SYT10: variants seen among roughly 807,000 people sequenced by gnomAD.
SYT10 encodes synaptotagmin-10.
A neutral mutation model predicts 51.1 loss-of-function variants in SYT10; 31 were observed. The ratio of observed to expected loss-of-function variants is 0.61; its 90% CI spans 0.46 to 0.82. The LOEUF (loss-of-function observed/expected upper bound fraction) is 0.82. Ranked by LOEUF, SYT10 falls within the 40% of genes least tolerant of loss-of-function variation. SYT10 has a pLI of 0.00. For synonymous variants in SYT10, 233 were observed against 225.9 expected, an observed-to-expected ratio of 1.03 and a Z score of -0.28; for missense variants, 603 against 634.0, an observed-to-expected ratio of 0.95 and a Z score of 0.53.
intron 4 of SYT10, among the ~76,000 whole-genome samples, chr12:33,383,257 T>C (rs1866131045): frequency 6.6e-6 from 1 of 152,150 alleles, no homozygotes; most frequent in Non-Finnish European, 1.5e-5. Context: ...TTGGGTTGAG[T>C]ACACTAGATA....
intron 3 of SYT10, among the ~76,000 whole-genome samples, chr12:33,406,218 A>T (rs1866351725): frequency 6.6e-6 from 1 of 152,118 alleles, no homozygotes; most frequent in South Asian, 2.1e-4. Context: ...AATGAAAAAG[A>T]AAAGTTTTAA....
intron 1 of SYT10, among the ~76,000 whole-genome samples, chr12:33,438,082 G>T (rs543400626): frequency 6.6e-6 from 1 of 152,258 alleles, no homozygotes; most frequent in South Asian, 2.1e-4. Flanking sequence ...ACGATGGAAT[G>T]TAAAAGCTAA....
intron 5 of SYT10, 89 bp from the exon 6 acceptor site, chr12:33,380,050 T>G: frequency 7.1e-7 from 1 of 1,400,950 alleles, no homozygotes; most frequent in East Asian, 2.4e-5. Flanking sequence ...AAAAATATGA[T>G]TAAAACATTA....
chr12:33,382,632 A>T, intron 4 of SYT10, 112 bp from the exon 5 acceptor site: 1 of 910,172 alleles, frequency 1.1e-6, no homozygotes, highest in Non-Finnish European at 1.5e-6. Context: ...CTATATTAAG[A>T]CCTTTAGTAT....
intron 3 of SYT10, among the ~76,000 whole-genome samples, chr12:33,403,382 C>T (rs141383407): frequency 2.0e-3 from 301 of 152,014 alleles, no homozygotes; most frequent in Non-Finnish European, 3.2e-3. Context: ...CAGCTGCTTG[C>T]CACCATGCCC....
intron 3 of SYT10, among the ~76,000 whole-genome samples, chr12:33,389,405 A>T (rs1383625594): frequency 4.6e-5 from 7 of 152,204 alleles, no homozygotes; most frequent in African/African-American, 1.7e-4. Context: ...AGTAACTCAA[A>T]AGGTAGATAT....
At chr12:33,426,640 A>G in intron 1 of SYT10, 145 bp from the exon 2 acceptor site, 1 of 803,492 alleles carries the variant, frequency 1.2e-6, no homozygotes, top group East Asian at 2.8e-5. Flanking sequence ...GTAGGAAGAA[A>G]AGGTTAATAA....
chr12:33,426,241 T>C lies in SYT10; in HGVS notation c.406A>G (p.Thr136Ala). The part of the protein sequence containing the change: ...AIEPAIKISH[T>A]SPDIPAEVQT... ...ACTTCTGCTGGGATGTCAGGGGAAG[T>C]GTGGCTGATTTTTATTGCAGGCTCA... is the stretch of plus-strand genomic sequence containing the variant. The change falls in exon 2 of 7, where the codon ACT (threonine) becomes GCT (alanine). Residue 136 changes from threonine (T) to alanine (A), a missense_variant. Physicochemically the swap from Thr to Ala is moderately conservative, Grantham distance 58 (BLOSUM62 0). Coordinates refer to ENST00000228567, the MANE Select transcript of SYT10 (RefSeq NM_198992.4). 6.2e-7 allele frequency: 1 copy of C among 1,614,148 alleles called. No homozygotes were observed. The highest frequency in any genetic ancestry group is 8.5e-7 in the Non-Finnish European group (1 of 1,180,030).
intron 1 of SYT10, chr12:33,432,799 T>C (rs572701735): frequency 6.6e-6 from 1 of 152,190 alleles, no homozygotes; most frequent in East Asian, 1.9e-4. Flanking sequence ...AATTAGACAG[T>C]AGATCATAAC....
chr12:33,387,747 GT>G (rs34524429), intron 3 of SYT10, among the ~76,000 whole-genome samples: 119 of 122,650 alleles, frequency 9.7e-4, no homozygotes, highest in Non-Finnish European at 1.1e-3. Flanking sequence ...CTTCTAACAT[GT>G]TTTTTTTTTT....
At chr12:33,439,282 G>A in intron 1 of SYT10, 90 bp downstream of exon 1, 2 of 1,474,338 alleles carry the variant, frequency 1.4e-6, no homozygotes, top group Non-Finnish European at 1.8e-6. Flanking sequence ...CCGCGGGAGC[G>A]GCGCGGGAGG....
At chr12:33,422,579 T>C (rs796651180) in intron 2 of SYT10, among the ~76,000 whole-genome samples, 8 of 152,178 alleles carry the variant, frequency 5.3e-5, no homozygotes, top group Admixed American at 2.0e-4. Flanking sequence ...GATTTTATCT[T>C]CCATTATTCC....
At chr12:33,399,402 G>A (rs955784562) in intron 3 of SYT10, among the ~76,000 whole-genome samples, 64 of 152,154 alleles carry the variant, frequency 4.2e-4, no homozygotes, top group African/African-American at 1.5e-3. Context: ...AAAACAGAAG[G>A]CTGTAATCAA....
intron 3 of SYT10, among the ~76,000 whole-genome samples, chr12:33,395,689 T>C (rs1866249946): frequency 1.3e-5 from 2 of 152,230 alleles, no homozygotes; most frequent in Non-Finnish European, 2.9e-5. Flanking sequence ...TAGTTCTCTA[T>C]GCATATCAGT....
rs1162424340 is a variant in SYT10 at position 33,375,139 on chromosome 12, G to GA, written c.*1690dup. The GA allele has an allele frequency of 6.6e-6, 1 of 151,954 alleles. No homozygotes were observed. Among genetic ancestry groups the GA allele is most frequent in the Non-Finnish European group, 1.5e-5 (1 of 67,912 alleles). The allele number at this position is 151,954 out of a possible 1,614,324, so 9.4% of individuals were successfully genotyped here. A position where few individuals can be genotyped will look rare whatever the true frequency, so the allele number is the denominator to read the frequency against. On this transcript the variant is annotated 3_prime_UTR_variant, in exon 7 of 7. Coordinates refer to ENST00000228567, the MANE Select transcript of SYT10 (RefSeq NM_198992.4). ...AGCTTTCTTCTATTATTTTCAATGAGAAAATGTTAGCTAGGAGTACCTGTT... is the reference window on the plus strand; with the variant it reads ...AGCTTTCTTCTATTATTTTCAATGAGAAAAATGTTAGCTAGGAGTACCTGTT...
At chr12:33,415,079 GA>G (rs1866441603) in intron 2 of SYT10, among the ~76,000 whole-genome samples, 1 of 152,158 alleles carries the variant, frequency 6.6e-6, no homozygotes, top group Non-Finnish European at 1.5e-5. Flanking sequence ...CTTTTACAAA[GA>G]AAGAGATGAC....
At chr12:33,386,489 GT>G (rs200100682) in intron 3 of SYT10, among the ~76,000 whole-genome samples, 5 of 150,458 alleles carry the variant, frequency 3.3e-5, no homozygotes, top group East Asian at 3.9e-4. Context: ...GCCTCTGTGT[GT>G]TTTTTTTTCC....
At chr12:33,422,618 T>C (rs1315184487) in intron 2 of SYT10, among the ~76,000 whole-genome samples, 2 of 152,122 alleles carry the variant, frequency 1.3e-5, no homozygotes, top group East Asian at 1.9e-4. Flanking sequence ...TTGATCACAG[T>C]ACCTTATCTG....
chr12:33,411,226 T>TA (rs1866401937), intron 2 of SYT10, among the ~76,000 whole-genome samples: 1 of 152,212 alleles, frequency 6.6e-6, no homozygotes, highest in Non-Finnish European at 1.5e-5. Flanking sequence ...AATAACCATA[T>TA]AAAATATTAA....
Sources: allele counts gnomAD v4.1 joint callset (sites outside exome capture counted in the v4.1 genomes callset), GRCh38; gene constraint gnomAD v4.1.1; transcripts MANE v1.5; gene names NCBI Gene and HGNC (gene_info 2026-07-23, HGNC 2026-07-21).